Variants in DPP10 observed in about 807,000 individuals in gnomAD.
DPP10 encodes the protein dipeptidyl peptidase like 10.
A neutral mutation model predicts 120.9 loss-of-function variants in DPP10; 33 were observed. The observed-to-expected ratio is 0.27, with a 90% CI of 0.21 to 0.37. DPP10 has a LOEUF of 0.37. DPP10 is among the 10% of genes least tolerant of loss of function. The pLI is 1.00. For missense variants in DPP10, 816 were observed against 942.8 expected (o/e 0.87, Z 1.76); for synonymous variants, 337 against 326.1 (o/e 1.03, Z -0.36).
chr2:115,412,779 T>G lies in DPP10; in HGVS notation c.271+68867T>G, dbSNP rs558684105. Among the ~76,000 whole-genome samples the G allele has an allele frequency of 9.2e-5, 14 of 152,218 alleles. No individual in the cohort carries two copies. The East Asian group carries it at 2.5e-3, about 27-fold the overall frequency. On this transcript the variant is annotated intron_variant, in intron 3 of 25. Transcript: ENST00000410059. ...ATGTCGTTTGAGAGAAACAAAACCT[T>G]TAACTCTTACTGAGAGGGAAGATGA...
At chr2:115,218,518 G>A (rs767329915) in intron 1 of DPP10, among the ~76,000 whole-genome samples, 32 of 151,976 alleles carry the variant, frequency 2.1e-4, no homozygotes, top group South Asian at 6.2e-4. Context: ...TTCCAACATC[G>A]TACTGACATA....
chr2:114,853,657 G>C (rs528357430), intron 1 of DPP10, among the ~76,000 whole-genome samples: 1 of 152,296 alleles, frequency 6.6e-6, no homozygotes, highest in South Asian at 2.1e-4. Context: ...AAGCTAGTGA[G>C]AAATGATGAA....
intron 1 of DPP10, among the ~76,000 whole-genome samples, chr2:115,233,376 C>G (rs1166894335): frequency 6.6e-6 from 1 of 152,064 alleles, no homozygotes; most frequent in Non-Finnish European, 1.5e-5. Context: ...AAAGTCTTAT[C>G]TAGTTTTTTA....
At chr2:115,733,619 T>C (rs542019943) in intron 8 of DPP10, among the ~76,000 whole-genome samples, 1 of 149,952 alleles carries the variant, frequency 6.7e-6, no homozygotes, top group East Asian at 1.9e-4. Flanking sequence ...ACCACAGGCC[T>C]GCAGAGCTGC....
chr2:115,814,755 G>T (rs766057384), intron 19 of DPP10, 38 bp from the exon 20 acceptor site: 2 of 1,431,868 alleles, frequency 1.4e-6, no homozygotes, highest in South Asian at 1.8e-5. Context: ...CAGATTTTCA[G>T]TTGCTCTTGT....
chr2:114,623,033 A>T (rs1251996572), intron 1 of DPP10, among the ~76,000 whole-genome samples: 2 of 152,132 alleles, frequency 1.3e-5, no homozygotes, highest in African/African-American at 4.8e-5. Context: ...GACACGTTTT[A>T]AATGAAGGCA....
chr2:114,610,738 C>T (rs1044984764), intron 1 of DPP10, among the ~76,000 whole-genome samples: 1 of 152,102 alleles, frequency 6.6e-6, no homozygotes, highest in African/African-American at 2.4e-5. Context: ...AATATTTTCT[C>T]CGGGCTCAGT....
intron 1 of DPP10, among the ~76,000 whole-genome samples, chr2:114,737,207 AT>A (rs1190266224): frequency 1.3e-5 from 2 of 152,170 alleles, no homozygotes; most frequent in Non-Finnish European, 2.9e-5. Context: ...TTCTCAGCTC[AT>A]TGGAATACAA....
chr2:115,803,984 C>G (rs1476659914), intron 19 of DPP10, among the ~76,000 whole-genome samples: 1 of 152,080 alleles, frequency 6.6e-6, no homozygotes, highest in Non-Finnish European at 1.5e-5. Flanking sequence ...GCCTTCCTTG[C>G]TAGATTGGGG....
chr2:114,769,411 A>G (rs1251686791), intron 1 of DPP10, among the ~76,000 whole-genome samples: 1 of 152,162 alleles, frequency 6.6e-6, no homozygotes, highest in Non-Finnish European at 1.5e-5. Flanking sequence ...TATTGAAAAA[A>G]ATAAAACCCT....
intron 5 of DPP10, among the ~76,000 whole-genome samples, chr2:115,533,794 C>A (rs2078620332): frequency 6.6e-6 from 1 of 152,094 alleles, no homozygotes; most frequent in Admixed American, 6.6e-5. Flanking sequence ...CTCCTGCCTT[C>A]TAGTGCCCAT....
intron 5 of DPP10, among the ~76,000 whole-genome samples, chr2:115,568,683 A>T (rs7597207): frequency 2.0e-5 from 3 of 151,898 alleles, no homozygotes; most frequent in African/African-American, 2.4e-5. Flanking sequence ...TTTTTCTTTC[A>T]TGTTTCTGCT....
At chr2:114,985,824 A>G (rs1302359935) in intron 1 of DPP10, among the ~76,000 whole-genome samples, 1 of 152,228 alleles carries the variant, frequency 6.6e-6, no homozygotes, top group African/African-American at 2.4e-5. Context: ...TAATGTCTAC[A>G]GCTTTATCCT....
chr2:115,687,345 G>C (rs2091046759), intron 5 of DPP10, among the ~76,000 whole-genome samples: 1 of 152,064 alleles, frequency 6.6e-6, no homozygotes, highest in Non-Finnish European at 1.5e-5. Flanking sequence ...AAAACAGGAA[G>C]TATTTGAGAT....
chr2:115,257,789 G>T (rs1174684079), intron 1 of DPP10, among the ~76,000 whole-genome samples: 1 of 152,010 alleles, frequency 6.6e-6, no homozygotes, highest in Non-Finnish European at 1.5e-5. Flanking sequence ...ATATAACATA[G>T]GTATATGCCT....
chr2:115,650,813 G>A (rs1356148261), intron 5 of DPP10, among the ~76,000 whole-genome samples: 1 of 151,994 alleles, frequency 6.6e-6, no homozygotes, highest in Non-Finnish European at 1.5e-5. Flanking sequence ...GGAGGAGGAG[G>A]AGCGGAAAAG....
intron 1 of DPP10, among the ~76,000 whole-genome samples, chr2:114,910,162 G>A (rs929112518): frequency 1.6e-4 from 25 of 151,794 alleles, no homozygotes; most frequent in African/African-American, 6.0e-4. Flanking sequence ...ATAAATAAAT[G>A]TATACACACA....
intron 5 of DPP10, among the ~76,000 whole-genome samples, chr2:115,687,114 G>A (rs2091034088): frequency 6.6e-6 from 1 of 151,992 alleles, no homozygotes; most frequent in Admixed American, 6.6e-5. Flanking sequence ...TTAGCACAGG[G>A]TGAATTTAGA....
At chr2:114,594,361 C>A (rs1245490809) in intron 1 of DPP10, among the ~76,000 whole-genome samples, 3 of 147,410 alleles carry the variant, frequency 2.0e-5, no homozygotes, top group Non-Finnish European at 4.5e-5. Context: ...TTAATAAACT[C>A]CCTTTTACAT....
Sources: allele counts gnomAD v4.1 joint callset (sites outside exome capture counted in the v4.1 genomes callset), GRCh38; gene constraint gnomAD v4.1.1; transcripts MANE v1.5; gene names NCBI Gene and HGNC (gene_info 2026-07-23, HGNC 2026-07-21).